Variants in HOMER3 observed in about 807,000 individuals in gnomAD.
HOMER3 encodes the protein homer protein homolog 3.
A neutral mutation model predicts 45.5 loss-of-function variants in HOMER3; 34 were observed. The ratio of observed to expected loss-of-function variants is 0.75; its 90% CI spans 0.57 to 1.00. The LOEUF (loss-of-function observed/expected upper bound fraction) is 1.00. Among genes scored for constraint, HOMER3 ranks in the 50% least tolerant of loss-of-function variants. The probability of loss-of-function intolerance (pLI) is 0.00; values close to 1 mark genes in which losing one functional copy is unlikely to be tolerated. For missense variants in HOMER3, 480 were observed against 497.5 expected (o/e 0.96, Z 0.33); for synonymous variants, 223 against 208.8 (o/e 1.07, Z -0.58).
chr19:18,932,007 T>C lies in HOMER3; in HGVS notation c.659A>G (p.Gln220Arg). 6.5e-7 allele frequency: 1 copy of C among 1,546,596 alleles called. No homozygotes were observed. The highest frequency in any genetic ancestry group is 8.7e-7 in the Non-Finnish European group (1 of 1,146,106). ...CCGCAGCCGCTCGGCCTCTGCACGC[T>C]GAGCCTCCAGCTGCTGCCTCCACTG... ...AAQWRQQLEA[Q>R]RAEAERLRQR... Residue 220 changes from glutamine (Q) to arginine (R), a missense_variant, in exon 7 of 10, where the codon CAG becomes CGG. By Grantham distance (43) the Gln-to-Arg change is conservative. Coordinates refer to ENST00000392351, the MANE Select transcript of HOMER3 (RefSeq NM_004838.4).
chr19:18,929,292 CTG>C lies in HOMER3; in HGVS notation c.*149_*150del, dbSNP rs779702406. 9.4e-6 allele frequency: 8 copies of C among 853,232 alleles called. No individual in the cohort carries two copies. The African/African-American group carries it at 9.9e-5, about 11-fold the overall frequency. 52.9% of individuals were successfully genotyped at this position (853,232 alleles called of 1,614,324 possible). A position where few individuals can be genotyped will look rare whatever the true frequency, so the allele number is the denominator to read the frequency against. On this transcript the variant is annotated 3_prime_UTR_variant, in exon 10 of 10. Coordinates refer to ENST00000392351, the MANE Select transcript of HOMER3 (RefSeq NM_004838.4). ...CAAAGCTGCCAACAACCAGAGCCGA[CTG>C]GGGCCCACCCCAGCCCAGCCCGGCC...
chr19:18,936,576 G>A (rs1172344218), intron 4 of HOMER3, among the ~76,000 whole-genome samples: 2 of 151,482 alleles, frequency 1.3e-5, no homozygotes, highest in African/African-American at 4.9e-5. Flanking sequence ...TGAGGCAGGA[G>A]AATTGCTTGA....
intron 4 of HOMER3, among the ~76,000 whole-genome samples, chr19:18,936,317 AAAATAAAT>A (rs57691524): frequency 7.2e-6 from 1 of 138,976 alleles, no homozygotes; most frequent in Non-Finnish European, 1.5e-5. Flanking sequence ...CTGTCTCAAA[AAAATAAAT>A]AAATAAATAA....
At position 18,939,035 on chromosome 19, in the gene HOMER3, G is replaced by A; in HGVS notation, c.-53C>T. ...GGGGGCAGCCAGAGAGGTGGCAGGA[G>A]CACTGGTTTGGCCCCTAGGGAGAGA... On this transcript the variant is annotated 5_prime_UTR_variant, in exon 2 of 10. Transcript: ENST00000392351. 3.3e-6 allele frequency: 5 copies of A among 1,523,086 alleles called. No homozygotes were observed. The highest frequency in any genetic ancestry group is 3.5e-6 in the Non-Finnish European group (4 of 1,134,830). 94.3% of individuals were successfully genotyped at this position (1,523,086 alleles called of 1,614,324 possible). A position where few individuals can be genotyped will look rare whatever the true frequency, so the allele number is the denominator to read the frequency against.
In HOMER3 at chr19:18,931,587, G is replaced by A. The variant is rs750651658; in HGVS notation, c.729C>T (p.Thr243=). 15 of 1,612,840 alleles carry A rather than the reference G, an allele frequency of 9.3e-6. No individual in the cohort carries two copies. Among genetic ancestry groups the A allele is most frequent in the African/African-American group, 2.7e-5 (2 of 74,924 alleles). Residue 243 remains threonine (T), a synonymous_variant, in exon 8 of 10, where the codon ACC becomes ACT. Transcript: ENST00000392351. ...CCAGCCCCTCCTTCTCACCGGTGGG[G>A]GTCACCTCTGAAGCTGCCTGAGCCT... ...ELEAQAASEV[T]PTGEKEGLGQ...
intron 4 of HOMER3, among the ~76,000 whole-genome samples, chr19:18,935,295 AC>A (rs920118214): frequency 3.8e-4 from 58 of 152,080 alleles, no homozygotes; most frequent in African/African-American, 1.3e-3. Context: ...CCGTGCCACC[AC>A]GCCCAGCTAA....
intron 6 of HOMER3, 128 bp from the exon 7 acceptor site, chr19:18,932,260 G>A (rs2057043079): frequency 9.9e-7 from 1 of 1,012,192 alleles, no homozygotes; most frequent in African/African-American, 1.7e-5. Flanking sequence ...GGCTGGCGAG[G>A]GTGCGGAGTC....
In HOMER3 at chr19:18,932,047, T is replaced by A; in HGVS notation, c.619A>T (p.Asn207Tyr). Residue 207 changes from asparagine (N) to tyrosine (Y), a missense_variant, in exon 7 of 10, where the codon AAC (asparagine) becomes TAC (tyrosine). Coordinates refer to ENST00000392351, the MANE Select transcript of HOMER3 (RefSeq NM_004838.4). ...NKLAGALREANAAAAQWRQQL... is the reference protein window; with the variant it reads ...NKLAGALREAYAAAAQWRQQL... ...TGCCTCCACTGGGCTGCGGCGGCGT[T>A]GGCCTCTCGCAGGGCGCCTGCCAGC... 3 of 1,555,744 alleles carry A rather than the reference T, an allele frequency of 1.9e-6. No homozygotes were observed. The highest frequency in any genetic ancestry group is 2.6e-6 in the Non-Finnish European group (3 of 1,151,628).
At chr19:18,930,113 G>T (rs1442671179) in intron 9 of HOMER3, among the ~76,000 whole-genome samples, 2 of 151,958 alleles carry the variant, frequency 1.3e-5, no homozygotes, top group African/African-American at 2.4e-5. Context: ...AGCTGGGCAT[G>T]GTGGTGCACA....
At chr19:18,936,916 G>T (rs1479177884) in intron 4 of HOMER3, among the ~76,000 whole-genome samples, 1 of 151,540 alleles carries the variant, frequency 6.6e-6, no homozygotes, top group Non-Finnish European at 1.5e-5. Flanking sequence ...CAGAAGAATG[G>T]TGTGAACCTG....
At chr19:18,931,207 A>G (rs2145119297) in intron 9 of HOMER3, 118 bp downstream of exon 9, 8 of 858,276 alleles carry the variant, frequency 9.3e-6, no homozygotes, top group Non-Finnish European at 1.5e-5. Flanking sequence ...GCTGGGCATC[A>G]GGCCTTCCAC....
At chr19:18,933,938 TCA>T (rs1193587307) in intron 5 of HOMER3, among the ~76,000 whole-genome samples, 5 of 152,106 alleles carry the variant, frequency 3.3e-5, no homozygotes, top group African/African-American at 1.2e-4. Context: ...ACTCTTGGCC[TCA>T]AGTCATCCTC....
intron 7 of HOMER3, 39 bp from the exon 8 acceptor site, chr19:18,931,664 G>A (rs774823124): frequency 2.6e-6 from 4 of 1,556,310 alleles, no homozygotes; most frequent in South Asian, 1.2e-5. Flanking sequence ...GCCCCCGCCT[G>A]CACTCTCCCT....
At chr19:18,935,845 C>A (rs1052763207) in intron 4 of HOMER3, among the ~76,000 whole-genome samples, 1 of 151,650 alleles carries the variant, frequency 6.6e-6, no homozygotes. Context: ...CATGGTGAAA[C>A]CCCATCTCTA....
At chr19:18,930,876 C>CG (rs1452697168) in intron 9 of HOMER3, among the ~76,000 whole-genome samples, 1 of 151,960 alleles carries the variant, frequency 6.6e-6, no homozygotes, top group Non-Finnish European at 1.5e-5. Flanking sequence ...GGTGTAGTGG[C>CG]GGGCGCCTGT....
At chr19:18,932,230 T>C (rs1316490604) in intron 6 of HOMER3, 98 bp from the exon 7 acceptor site, 2 of 1,123,570 alleles carry the variant, frequency 1.8e-6, no homozygotes, top group African/African-American at 3.6e-5. Flanking sequence ...GGGATAGCTC[T>C]GGGCTTAGGT....
chr19:18,939,523 C>T (rs2057132271), intron 1 of HOMER3: 1 of 152,948 alleles, frequency 6.5e-6, no homozygotes, highest in Admixed American at 6.5e-5. Flanking sequence ...CAGACCCCAT[C>T]TTTCTTTGTC....
chr19:18,930,933 G>A (rs1283697533), intron 9 of HOMER3, among the ~76,000 whole-genome samples: 2 of 151,690 alleles, frequency 1.3e-5, no homozygotes, highest in South Asian at 2.1e-4. Context: ...GCTTCAACCC[G>A]GGAGGTGGAG....
At chr19:18,931,727 G>A (rs1399332057) in intron 7 of HOMER3, 102 bp from the exon 8 acceptor site, 28 of 1,504,980 alleles carry the variant, frequency 1.9e-5, no homozygotes, top group African/African-American at 7.0e-5. Context: ...GCCCAGGACC[G>A]AGCACCCATC....
Sources: gnomAD v4.1 joint callset for allele counts (sites outside exome capture counted in the v4.1 genomes callset) on GRCh38, gnomAD v4.1.1 for gene constraint, MANE v1.5 for transcripts, NCBI Gene and HGNC (gene_info 2026-07-23, HGNC 2026-07-21) for gene names.